Variants in ACOXL observed in about 807,000 individuals in gnomAD.
ACOXL encodes acyl-coenzyme A oxidase-like protein.
Under a neutral mutation model 71.9 loss-of-function variants are expected in ACOXL, and 70 were observed. That is an observed-to-expected ratio of 0.97 (90% CI 0.80 to 1.19). The LOEUF is 1.19. Ranked by LOEUF, ACOXL falls within the 50% of genes most tolerant of loss-of-function variation. The pLI is 0.00. For missense variants in ACOXL, 703 were observed against 736.3 expected, an observed-to-expected ratio of 0.95 and a Z score of 0.52; for synonymous variants, 253 against 281.6, an observed-to-expected ratio of 0.90 and a Z score of 1.02.
chr2:111,074,180 T>A (rs2149942763), intron 16 of ACOXL, among the ~76,000 whole-genome samples: 1 of 151,034 alleles, frequency 6.6e-6, no homozygotes, highest in Admixed American at 6.6e-5. Context: ...TTTTTTTTTC[T>A]ATGTAAGCAA....
At chr2:110,869,849 T>C (rs1021938424) in intron 10 of ACOXL, among the ~76,000 whole-genome samples, 1 of 152,224 alleles carries the variant, frequency 6.6e-6, no homozygotes, top group Non-Finnish European at 1.5e-5. Context: ...TGCCCCTTCC[T>C]GTGTGAACCT....
intron 15 of ACOXL, among the ~76,000 whole-genome samples, chr2:111,035,161 C>G (rs760172703): frequency 6.6e-6 from 1 of 152,064 alleles, no homozygotes; most frequent in Non-Finnish European, 1.5e-5. Context: ...CCACCGTCCC[C>G]GGCCTAAAGC....
chr2:110,972,422 C>T lies in ACOXL; in HGVS notation c.1060-14686C>T, dbSNP rs2149490944. 1.3e-5 allele frequency among the ~76,000 whole-genome samples: 2 copies of T among 152,262 alleles called. 1 individual carries two copies. Among genetic ancestry groups the T allele is most frequent in the South Asian group, 4.1e-4 (2 of 4,824 alleles). ...CCAGACACATACTGGAAAAATGCTA[C>T]CTCAAGTGATGATCCAGCCGGAAAC... On this transcript the variant is annotated intron_variant, in intron 12 of 17. Transcript: ENST00000439055.
intron 15 of ACOXL, among the ~76,000 whole-genome samples, chr2:111,034,922 CTTTT>C (rs10707310): frequency 2.1e-5 from 3 of 144,084 alleles, no homozygotes; most frequent in Non-Finnish European, 1.5e-5. Context: ...AAAGCACAGT[CTTTT>C]TTTTTTTTTT....
chr2:111,011,004 G>A (rs2064124906), intron 14 of ACOXL, among the ~76,000 whole-genome samples: 1 of 152,178 alleles, frequency 6.6e-6, no homozygotes, highest in Non-Finnish European at 1.5e-5. Context: ...GAAGAACACT[G>A]AAAATGCTAA....
In ACOXL at chr2:110,797,171, A is replaced by G. The variant is rs137961461; in HGVS notation, c.346-1439A>G. On this transcript the variant is annotated intron_variant, in intron 5 of 17. Transcript: ENST00000439055. Reference sequence around the variant, plus strand: ...AAGAAGTGAGGGGAGCATTTCCACTATCGGCTTCCAGAGAGTAGGACAGAG... The same window carrying G: ...AAGAAGTGAGGGGAGCATTTCCACTGTCGGCTTCCAGAGAGTAGGACAGAG... Among the ~76,000 whole-genome samples the G allele has an allele frequency of 1.4e-3, 218 of 152,302 alleles. 1 individual carries two copies. Among genetic ancestry groups the G allele is most frequent in the Middle Eastern group, 3.4e-3 (1 of 294 alleles).
intron 10 of ACOXL, among the ~76,000 whole-genome samples, chr2:110,899,683 A>G (rs972056806): frequency 5.9e-5 from 9 of 152,310 alleles, no homozygotes; most frequent in African/African-American, 1.9e-4. Flanking sequence ...GCTATAATTT[A>G]TGGCTCCATG....
chr2:110,846,880 G>A (rs1379731030), intron 10 of ACOXL, among the ~76,000 whole-genome samples: 1 of 152,132 alleles, frequency 6.6e-6, no homozygotes, highest in South Asian at 2.1e-4. Flanking sequence ...ATCATATTTC[G>A]ATGGTGTAAA....
Position 111,049,308 on chromosome 2 carries a change from A to C in ACOXL, c.1440+20A>C, listed in dbSNP as rs946085045. On this transcript the variant is annotated intron_variant, in intron 16 of 17. Transcript: ENST00000439055. ...ATGAAGGTAGGTTATCAGATAAAGA[A>C]CTTATTTCCTAAAGGCTCAGAGCGT... is the stretch of plus-strand genomic sequence containing the variant. 6.3e-7 allele frequency: 1 copy of C among 1,580,888 alleles called. No homozygotes were observed. The highest frequency in any genetic ancestry group is 8.7e-7 in the Non-Finnish European group (1 of 1,150,392).
chr2:111,068,205 AG>A (rs1350700605), intron 16 of ACOXL, among the ~76,000 whole-genome samples: 1 of 152,128 alleles, frequency 6.6e-6, no homozygotes, highest in East Asian at 1.9e-4. Flanking sequence ...AGGAGAAAAA[AG>A]GTGTTGGAGG....
chr2:110,925,812 G>C lies in ACOXL; in HGVS notation c.906-7677G>C, dbSNP rs183375190. Reference sequence around the variant, plus strand: ...AGAGGCCTAACTTCAGCCTTTCTCAGTTTTCAACATGCCTTCCTCACTAGG... The same window carrying C: ...AGAGGCCTAACTTCAGCCTTTCTCACTTTTCAACATGCCTTCCTCACTAGG... On this transcript the variant is annotated intron_variant, in intron 11 of 17. Coordinates refer to ENST00000439055, the MANE Select transcript of ACOXL (RefSeq NM_001142807.4). 3.7e-4 allele frequency among the ~76,000 whole-genome samples: 51 copies of C among 138,722 alleles called. No homozygotes were observed. The East Asian group carries it at 9.9e-3, about 27-fold the overall frequency. 91.0% of individuals were successfully genotyped at this position (138,722 alleles called of 152,430 possible). A position where few individuals can be genotyped will look rare whatever the true frequency, so the allele number is the denominator to read the frequency against.
intron 12 of ACOXL, among the ~76,000 whole-genome samples, chr2:110,986,255 A>G (rs1172443156): frequency 1.3e-5 from 2 of 152,266 alleles, no homozygotes; most frequent in African/African-American, 4.8e-5. Context: ...CTGTATAAAA[A>G]CATGCATGCA....
intron 9 of ACOXL, among the ~76,000 whole-genome samples, chr2:110,833,727 T>C (rs1029125700): frequency 6.6e-6 from 1 of 152,248 alleles, no homozygotes; most frequent in African/African-American, 2.4e-5. Flanking sequence ...TAGCAGTTGC[T>C]GTTGTATTTC....
At chr2:110,999,323 T>C (rs918798380) in intron 14 of ACOXL, among the ~76,000 whole-genome samples, 1 of 152,162 alleles carries the variant, frequency 6.6e-6, no homozygotes, top group Non-Finnish European at 1.5e-5. Context: ...GAATCACCTC[T>C]TTCAAGACTC....
At chr2:110,957,113 C>T (rs1365632948) in intron 12 of ACOXL, among the ~76,000 whole-genome samples, 1 of 152,036 alleles carries the variant, frequency 6.6e-6, no homozygotes, top group Non-Finnish European at 1.5e-5. Context: ...CACGGAAAAT[C>T]TTACTCACTT....
intron 9 of ACOXL, among the ~76,000 whole-genome samples, chr2:110,806,302 C>T (rs556530610): frequency 1.2e-4 from 18 of 152,316 alleles, no homozygotes; most frequent in African/African-American, 3.4e-4. Flanking sequence ...GCCTCGTGCC[C>T]GCCCGTGCAC....
At chr2:111,031,825 G>A in intron 15 of ACOXL, 111 bp downstream of exon 15, 1 of 1,099,296 alleles carries the variant, frequency 9.1e-7, no homozygotes, top group South Asian at 1.3e-5. Context: ...GGAAGGGACA[G>A]TCCGTGTGTT....
At chr2:110,969,812 A>G (rs1314763708) in intron 12 of ACOXL, among the ~76,000 whole-genome samples, 1 of 151,682 alleles carries the variant, frequency 6.6e-6, no homozygotes, top group East Asian at 1.9e-4. Flanking sequence ...CTTTGTCTCA[A>G]AAAAAAAGAA....
At chr2:110,981,551 G>C (rs2062708812) in intron 12 of ACOXL, among the ~76,000 whole-genome samples, 1 of 152,224 alleles carries the variant, frequency 6.6e-6, no homozygotes, top group Non-Finnish European at 1.5e-5. Context: ...GCTTAAGTTT[G>C]GAACAGAGCT....
Sources: allele counts gnomAD v4.1 joint callset (sites outside exome capture counted in the v4.1 genomes callset), GRCh38; gene constraint gnomAD v4.1.1; transcripts MANE v1.5; gene names NCBI Gene and HGNC (gene_info 2026-07-23, HGNC 2026-07-21).